Variants in NRG1 observed in about 807,000 individuals in gnomAD.
NRG1 encodes the protein pro-neuregulin-1, membrane-bound isoform.
Under a neutral mutation model 63.8 loss-of-function variants are expected in NRG1, and 18 were observed. The ratio of observed to expected loss-of-function variants is 0.28; its 90% confidence interval spans 0.19 to 0.42. The LOEUF (loss-of-function observed/expected upper bound fraction) is 0.42. NRG1 is among the 10% of genes least tolerant of loss of function. The pLI is 1.00. For synonymous variants in NRG1, 302 were observed against 301.3 expected, an observed-to-expected ratio of 1.00 and a Z score of -0.02; for missense variants, 762 against 814.7, an observed-to-expected ratio of 0.94 and a Z score of 0.79.
At chr8:31,761,966 ATG>A (rs1405760379) in intron 1 of NRG1, among the ~76,000 whole-genome samples, 1 of 152,150 alleles carries the variant, frequency 6.6e-6, no homozygotes, top group Non-Finnish European at 1.5e-5. Flanking sequence ...GGGACTTTCT[ATG>A]TGCACCATTA....
At chr8:32,289,701 T>C (rs1417291221) in intron 1 of NRG1, among the ~76,000 whole-genome samples, 3 of 152,140 alleles carry the variant, frequency 2.0e-5, no homozygotes, top group East Asian at 1.9e-4. Context: ...TTAAGTACTT[T>C]AGCTTGTCTA....
chr8:32,510,820 A>G (rs1178253342), intron 1 of NRG1, among the ~76,000 whole-genome samples: 2 of 151,854 alleles, frequency 1.3e-5, no homozygotes, highest in East Asian at 3.9e-4. Context: ...CCTGGGCCAT[A>G]CCCTTAGCAG....
intron 1 of NRG1, among the ~76,000 whole-genome samples, chr8:32,366,313 T>G (rs1481696956): frequency 6.6e-6 from 1 of 152,082 alleles, no homozygotes; most frequent in Non-Finnish European, 1.5e-5. Context: ...AACTGTATGA[T>G]TATACTCATT....
At chr8:32,362,400 C>A (rs1368376473) in intron 1 of NRG1, among the ~76,000 whole-genome samples, 1 of 152,100 alleles carries the variant, frequency 6.6e-6, no homozygotes, top group African/African-American at 2.4e-5. Context: ...ACGGAATATG[C>A]GATGTTGTGG....
chr8:31,760,254 A>G, intron 1 of NRG1, among the ~76,000 whole-genome samples: 1 of 152,154 alleles, frequency 6.6e-6, no homozygotes, highest in Non-Finnish European at 1.5e-5. Context: ...ATCCAGTTTC[A>G]GCTTTCTACA....
chr8:31,748,283 A>G (rs981376459), intron 1 of NRG1, among the ~76,000 whole-genome samples: 3 of 151,942 alleles, frequency 2.0e-5, no homozygotes, highest in Non-Finnish European at 2.9e-5. Context: ...TAAACATTCT[A>G]AACACCTTCT....
At position 31,872,108 on chromosome 8, in the gene NRG1, C is replaced by T. The variant is rs1829539862; in HGVS notation, c.37+232677C>T. ...GGCACAACATCTAACATTGTAATTG[C>T]TCACTCAGTAGCTCTGAGCACTTAC... On this transcript the variant is annotated intron_variant, in intron 1 of 10. Coordinates refer to the NRG1 transcript ENST00000519301. Among the ~76,000 whole-genome samples, 3 of 152,156 alleles carry T rather than the reference C, an allele frequency of 2.0e-5. No individual in the cohort carries two copies. In the South Asian group the frequency reaches 6.2e-4, roughly 32 times the overall value.
chr8:31,820,521 G>A (rs1209681104), intron 1 of NRG1, among the ~76,000 whole-genome samples: 4 of 152,134 alleles, frequency 2.6e-5, no homozygotes, highest in African/African-American at 9.7e-5. Flanking sequence ...AAGGTTGCCA[G>A]TACTCTTTGC....
At chr8:31,752,246 A>C (rs565195243) in intron 1 of NRG1, among the ~76,000 whole-genome samples, 1 of 152,180 alleles carries the variant, frequency 6.6e-6, no homozygotes, top group African/African-American at 2.4e-5. Flanking sequence ...ATAATGTGGA[A>C]GTTATGGGCA....
rs536967598 is a variant in NRG1 at position 32,642,673 on chromosome 8, C to T, written c.502+25788C>T. Among the ~76,000 whole-genome samples, 54 of 152,240 alleles carry T rather than the reference C, an allele frequency of 3.5e-4. 1 individual carries two copies. The South Asian group carries it at 8.7e-3, about 25-fold the overall frequency. On this transcript the variant is annotated intron_variant, in intron 5 of 11. Coordinates refer to ENST00000356819, the Ensembl canonical transcript of NRG1. ...TATGTAGGGATCTCTCCAAATGAAACGACTGCTGCCATCATTTTTATTTTA... is the reference window on the plus strand; with the variant it reads ...TATGTAGGGATCTCTCCAAATGAAATGACTGCTGCCATCATTTTTATTTTA...
intron 6 of NRG1, among the ~76,000 whole-genome samples, chr8:32,728,795 G>A (rs1822910021): frequency 6.6e-6 from 1 of 152,228 alleles, no homozygotes; most frequent in South Asian, 2.1e-4. Context: ...CCTGGGCACA[G>A]TGGCTCACGC....
intron 1 of NRG1, among the ~76,000 whole-genome samples, chr8:31,999,810 G>C (rs559039765): frequency 3.3e-5 from 5 of 151,934 alleles, no homozygotes; most frequent in Non-Finnish European, 5.9e-5. Context: ...TTATAATATA[G>C]GAAAATTAAA....
intron 1 of NRG1, among the ~76,000 whole-genome samples, chr8:32,342,424 A>G (rs1465175598): frequency 1.3e-5 from 2 of 152,206 alleles, no homozygotes; most frequent in African/African-American, 4.8e-5. Context: ...AGTCTTTTGC[A>G]AGTGTTTCAT....
chr8:32,670,692 A>G (rs1805409365), intron 5 of NRG1, among the ~76,000 whole-genome samples: 1 of 152,146 alleles, frequency 6.6e-6, no homozygotes, highest in African/African-American at 2.4e-5. Flanking sequence ...GACATATGTT[A>G]CCCCCTAATA....
At chr8:32,392,057 A>G (rs940319139) in intron 1 of NRG1, among the ~76,000 whole-genome samples, 2 of 152,224 alleles carry the variant, frequency 1.3e-5, no homozygotes, top group African/African-American at 4.8e-5. Flanking sequence ...CTTATAAATC[A>G]TTATGCTAAT....
chr8:32,769,023 C>T (rs1387584970), downstream of NRG1, among the ~76,000 whole-genome samples: 2 of 152,108 alleles, frequency 1.3e-5, no homozygotes, highest in African/African-American at 4.8e-5. Context: ...ACATTTGCAA[C>T]AACTTTAGTT....
At chr8:31,827,703 C>T (rs1824705018) in intron 1 of NRG1, among the ~76,000 whole-genome samples, 1 of 152,202 alleles carries the variant, frequency 6.6e-6, no homozygotes, top group South Asian at 2.1e-4. Context: ...TCTGCCTCAA[C>T]TTTTTCTTTT....
chr8:32,362,251 C>A (rs1807317316), intron 1 of NRG1, among the ~76,000 whole-genome samples: 1 of 152,160 alleles, frequency 6.6e-6, no homozygotes, highest in Admixed American at 6.5e-5. Context: ...GGTTTATAAT[C>A]TTTGTGGAAG....
chr8:31,973,970 T>C (rs147745466), intron 1 of NRG1, among the ~76,000 whole-genome samples: 1 of 152,300 alleles, frequency 6.6e-6, no homozygotes, highest in Non-Finnish European at 1.5e-5. Flanking sequence ...GGGTGGGCTG[T>C]GAGGGAAGAT....
Sources: allele counts gnomAD v4.1 joint callset (sites outside exome capture counted in the v4.1 genomes callset), GRCh38; gene constraint gnomAD v4.1.1; transcripts MANE v1.5; gene names NCBI Gene and HGNC (gene_info 2026-07-23, HGNC 2026-07-21).